The following NRG3 variants were observed in gnomAD, a reference collection of about 807,000 sequenced individuals.
NRG3 encodes the protein pro-neuregulin-3, membrane-bound isoform.
NRG3 carries 31 observed loss-of-function variants against 66.9 expected under a neutral mutation model. That is an observed-to-expected ratio of 0.46 (90% CI 0.35 to 0.63). The LOEUF (loss-of-function observed/expected upper bound fraction) is 0.63, where lower values mean the gene tolerates loss of function less well. Ranked by LOEUF, NRG3 falls within the 20% of genes least tolerant of loss-of-function variation. NRG3 has a pLI of 0.00. For synonymous variants in NRG3, 393 were observed against 359.4 expected, an observed-to-expected ratio of 1.09 and a Z score of -1.06; for missense variants, 910 against 878.9, an observed-to-expected ratio of 1.04 and a Z score of -0.45.
In NRG3 at chr10:82,349,731, G is replaced by C. The variant is rs186124911; in HGVS notation, c.824-9008G>C. 3.3e-3 allele frequency among the ~76,000 whole-genome samples: 495 copies of C among 152,296 alleles called. 2 individuals are homozygous for C. Among genetic ancestry groups the C allele is most frequent in the African/African-American group, 0.011 (477 of 41,580 alleles). ...CAATCAGGGAGACTCCGTGGGCGTA[G>C]GACCCTCCGAGCCAGGTGCGGGATA... On this transcript the variant is annotated intron_variant, in intron 1 of 8. Transcript: ENST00000372141.
At chr10:82,461,259 CCAT>C (rs1180162438) in intron 2 of NRG3, among the ~76,000 whole-genome samples, 4 of 151,924 alleles carry the variant, frequency 2.6e-5, no homozygotes, top group East Asian at 1.9e-4. Flanking sequence ...GCCACCACCA[CCAT>C]CGACACCATC....
chr10:82,220,491 G>A (rs927854839), intron 1 of NRG3, among the ~76,000 whole-genome samples: 1 of 152,012 alleles, frequency 6.6e-6, no homozygotes, highest in African/African-American at 2.4e-5. Flanking sequence ...TGTGTTAGGG[G>A]GATCCTACAG....
intron 2 of NRG3, among the ~76,000 whole-genome samples, chr10:82,452,718 C>T (rs183318132): frequency 5.1e-4 from 78 of 152,060 alleles, no homozygotes; most frequent in African/African-American, 1.6e-3. Context: ...ATAATAAGCA[C>T]ATATATTAGA....
chr10:82,049,470 A>C (rs2063483331), intron 1 of NRG3, among the ~76,000 whole-genome samples: 1 of 152,088 alleles, frequency 6.6e-6, no homozygotes, highest in Non-Finnish European at 1.5e-5. Flanking sequence ...CTTTACATTT[A>C]AAAAACAATT....
intron 1 of NRG3, among the ~76,000 whole-genome samples, chr10:82,267,364 A>G (rs1244095744): frequency 6.6e-6 from 1 of 152,162 alleles, no homozygotes; most frequent in Non-Finnish European, 1.5e-5. Context: ...TATCCATAAC[A>G]CACACAGGCA....
At chr10:82,529,193 CT>C (rs1332468867) in intron 2 of NRG3, among the ~76,000 whole-genome samples, 1 of 152,190 alleles carries the variant, frequency 6.6e-6, no homozygotes, top group Admixed American at 6.5e-5. Context: ...ATAACAAAGT[CT>C]TCTCAAATGC....
chr10:82,447,948 A>G (rs751945368), intron 2 of NRG3, among the ~76,000 whole-genome samples: 1 of 152,206 alleles, frequency 6.6e-6, no homozygotes, highest in African/African-American at 2.4e-5. Flanking sequence ...TTCACTAGAT[A>G]CAGTTCCGTT....
intron 2 of NRG3, among the ~76,000 whole-genome samples, chr10:82,534,284 C>A (rs200861601): frequency 6.7e-6 from 1 of 149,088 alleles, no homozygotes. Context: ...TTTTTTGAGA[C>A]AGAGTATCGC....
intron 2 of NRG3, among the ~76,000 whole-genome samples, chr10:82,718,731 G>A (rs984152626): frequency 3.9e-5 from 6 of 152,168 alleles, no homozygotes; most frequent in African/African-American, 1.4e-4. Context: ...CATGACTTCT[G>A]CCGTTTCTAC....
intron 3 of NRG3, among the ~76,000 whole-genome samples, chr10:82,860,155 G>A (rs1018541889): frequency 1.3e-5 from 2 of 152,218 alleles, no homozygotes; most frequent in South Asian, 2.1e-4. Context: ...AAATTTCCCC[G>A]GTAACCAATG....
intron 2 of NRG3, among the ~76,000 whole-genome samples, chr10:82,648,729 G>A (rs901040358): frequency 2.0e-5 from 3 of 152,108 alleles, no homozygotes; most frequent in African/African-American, 7.2e-5. Flanking sequence ...CACGTCCCTT[G>A]TAAGTTGGAT....
intron 4 of NRG3, among the ~76,000 whole-genome samples, chr10:82,886,013 A>G (rs1201210773): frequency 1.3e-5 from 2 of 152,068 alleles, no homozygotes; most frequent in African/African-American, 4.8e-5. Context: ...CTGGGACTAC[A>G]TGCATGCGCC....
intron 1 of NRG3, among the ~76,000 whole-genome samples, chr10:81,999,971 A>G (rs545142571): frequency 6.6e-6 from 1 of 152,318 alleles, no homozygotes; most frequent in African/African-American, 2.4e-5. Flanking sequence ...GCTGATATCT[A>G]TTCTAAATGA....
chr10:82,729,642 C>CTATAAAG (rs1725803127), intron 2 of NRG3, among the ~76,000 whole-genome samples: 1 of 152,120 alleles, frequency 6.6e-6, no homozygotes, highest in Non-Finnish European at 1.5e-5. Context: ...GCAGAAATCT[C>CTATAAAG]TATAAAGACC....
Position 82,383,303 on chromosome 10 carries a change from A to G in NRG3, c.953+24435A>G, listed in dbSNP as rs540588592. Among the ~76,000 whole-genome samples, 5 of 151,694 alleles carry G rather than the reference A, an allele frequency of 3.3e-5. No homozygotes were observed. The South Asian group carries it at 1.0e-3, about 31-fold the overall frequency. On this transcript the variant is annotated intron_variant, in intron 2 of 8. Coordinates refer to ENST00000372141, the MANE Select transcript of NRG3 (RefSeq NM_001010848.4). ...TTTGTTTATATCTTCTCTCTCTTAA[A>G]TGTTTAAGATTTTCTGTCCCCAAAT...
intron 2 of NRG3, among the ~76,000 whole-genome samples, chr10:82,668,073 T>C (rs1336928503): frequency 6.6e-6 from 1 of 152,156 alleles, no homozygotes; most frequent in East Asian, 1.9e-4. Flanking sequence ...CTCCCTCCCT[T>C]ATTTTCTTTC....
intron 1 of NRG3, among the ~76,000 whole-genome samples, chr10:82,348,281 A>G (rs1283585324): frequency 6.6e-6 from 1 of 151,902 alleles, no homozygotes; most frequent in Admixed American, 6.6e-5. Context: ...AAAATCTCTC[A>G]GCATTTGCTT....
chr10:82,774,310 C>T (rs1015268045), intron 3 of NRG3, among the ~76,000 whole-genome samples: 1 of 152,118 alleles, frequency 6.6e-6, no homozygotes, highest in African/African-American at 2.4e-5. Context: ...TTTGGAACAT[C>T]CCATTATTTT....
chr10:82,606,694 G>A (rs2133449607), intron 2 of NRG3, among the ~76,000 whole-genome samples: 1 of 152,120 alleles, frequency 6.6e-6, no homozygotes, highest in East Asian at 1.9e-4. Flanking sequence ...TGCAGCTGCT[G>A]CATAACCCAG....
Sources: gnomAD v4.1 joint callset for allele counts (sites outside exome capture counted in the v4.1 genomes callset) on GRCh38, gnomAD v4.1.1 for gene constraint, MANE v1.5 for transcripts, NCBI Gene and HGNC (gene_info 2026-07-23, HGNC 2026-07-21) for gene names.